Variants in NWD2 observed in about 807,000 individuals in gnomAD.
NWD2 encodes the protein NACHT and WD repeat domain containing 2, also known as NACHT and WD repeat domain-containing protein 2.
Under a neutral mutation model 132.7 loss-of-function variants are expected in NWD2, and 37 were observed. The observed-to-expected ratio is 0.28, with a 90% CI of 0.21 to 0.37. The LOEUF (loss-of-function observed/expected upper bound fraction) is 0.37. Among genes scored for constraint, NWD2 ranks in the 10% least tolerant of loss-of-function variants. The pLI, the probability that NWD2 is intolerant of heterozygous loss-of-function variation, is 1.00. For missense variants in NWD2, 1,592 were observed against 2,122.4 expected (o/e 0.75, Z 4.91); for synonymous variants, 705 against 803.0 (o/e 0.88, Z 2.06).
chr4:37,255,086 C>T (rs1052438851), intron 1 of NWD2, among the ~76,000 whole-genome samples: 2 of 152,170 alleles, frequency 1.3e-5, no homozygotes, highest in Non-Finnish European at 2.9e-5. Flanking sequence ...TAGCAAACAC[C>T]TAATTGGTTG....
rs934881675 is a variant in NWD2, at chr4:37,436,357, C to G, written c.706+2337C>G. ...CATAAAATCATAAGCATGCACTTCG[C>G]CTCTAAAAATAACTCTGTAGAGTTG... On this transcript the variant is annotated intron_variant, in intron 5 of 6. Transcript: ENST00000309447. Among the ~76,000 whole-genome samples, 5 of 152,188 alleles carry G rather than the reference C, an allele frequency of 3.3e-5. No individual in the cohort carries two copies. In the South Asian group the frequency reaches 8.3e-4, roughly 25 times the overall value.
Position 37,276,851 on chromosome 4 carries a change from G to A in NWD2, c.151+31633G>A, listed in dbSNP as rs567920557. The stretch of plus-strand genomic sequence containing the variant: ...CCTTTGTAGGGATATGGATGAAGCT[G>A]GAAACCATCATTCTCAGCAAACTAT... On this transcript the variant is annotated intron_variant, in intron 1 of 6. Coordinates refer to ENST00000309447, the MANE Select transcript of NWD2 (RefSeq NM_001144990.2). Among the ~76,000 whole-genome samples, 15 of 152,112 alleles carry A rather than the reference G, an allele frequency of 9.9e-5. No homozygotes were observed. In the South Asian group the frequency reaches 2.9e-3, roughly 30 times the overall value.
At chr4:37,249,811 G>GT (rs1717316063) in intron 1 of NWD2, among the ~76,000 whole-genome samples, 1 of 151,986 alleles carries the variant, frequency 6.6e-6, no homozygotes, top group African/African-American at 2.4e-5. Flanking sequence ...TTACTACTTG[G>GT]TTTTCTTTTG....
At chr4:37,329,204 A>G (rs865777330) in intron 2 of NWD2, among the ~76,000 whole-genome samples, 73 of 152,282 alleles carry the variant, frequency 4.8e-4, no homozygotes, top group African/African-American at 1.6e-3. Context: ...TTCAAGAAGT[A>G]TTTGTTGAGT....
Position 37,288,102 on chromosome 4 carries a change from T to G in NWD2, c.152-37834T>G, listed in dbSNP as rs57698051. Among the ~76,000 whole-genome samples the G allele has an allele frequency of 4.6e-3, 703 of 151,564 alleles. 7 individuals are homozygous for G. Among genetic ancestry groups the G allele is most frequent in the African/African-American group, 0.016 (675 of 41,276 alleles). The stretch of plus-strand genomic sequence containing the variant: ...ACATGTTCTCACTCGTAAGTGAGAG[T>G]TGAACATTGAGAACACATGGACACA... On this transcript the variant is annotated intron_variant, in intron 1 of 6. Transcript: ENST00000309447.
intron 2 of NWD2, among the ~76,000 whole-genome samples, chr4:37,352,662 T>C (rs1409430029): frequency 6.6e-6 from 1 of 152,216 alleles, no homozygotes; most frequent in African/African-American, 2.4e-5. Flanking sequence ...GTCTGTTTTA[T>C]CAGAGACTAG....
At chr4:37,431,770 T>C (rs542390595) in intron 4 of NWD2, among the ~76,000 whole-genome samples, 1 of 152,160 alleles carries the variant, frequency 6.6e-6, no homozygotes, top group South Asian at 2.1e-4. Context: ...AATCCAAAGC[T>C]AAGAAACTAT....
Position 37,244,938 on chromosome 4 carries a change from C to A in NWD2, c.-130C>A. ...CGGAGCTCGCCAAAGGCGCTTCGGG[C>A]TCGGAGCGGCTCTGAGCCGCGCCGC... On this transcript the variant is annotated 5_prime_UTR_variant, in exon 1 of 7. Transcript: ENST00000309447. The surrounding 1 kb of genome is among the most constrained non-coding windows in gnomAD (Gnocchi z 5.5). 8.0e-7 allele frequency: 1 copy of A among 1,253,136 alleles called. No homozygotes were observed. Among genetic ancestry groups the A allele is most frequent in the Non-Finnish European group, 1.1e-6 (1 of 933,928 alleles). 77.6% of individuals were successfully genotyped at this position (1,253,136 alleles called of 1,614,324 possible). A position where few individuals can be genotyped will look rare whatever the true frequency, so the allele number is the denominator to read the frequency against.
chr4:37,284,694 A>C (rs1718191944), intron 1 of NWD2, among the ~76,000 whole-genome samples: 1 of 152,208 alleles, frequency 6.6e-6, no homozygotes, highest in Non-Finnish European at 1.5e-5. Context: ...AGTGGAACAG[A>C]TGAGGTGCAT....
intron 3 of NWD2, among the ~76,000 whole-genome samples, chr4:37,402,449 G>A (rs945391429): frequency 1.3e-5 from 2 of 152,162 alleles, no homozygotes; most frequent in Non-Finnish European, 2.9e-5. Context: ...AGATGTTGAA[G>A]CACTGAATTA....
chr4:37,285,722 A>G (rs1234395310), intron 1 of NWD2, among the ~76,000 whole-genome samples: 1 of 152,278 alleles, frequency 6.6e-6, no homozygotes, highest in East Asian at 1.9e-4. Flanking sequence ...GTTCTAATAC[A>G]TGTCTATATA....
At chr4:37,332,003 A>AG (rs907602314) in intron 2 of NWD2, among the ~76,000 whole-genome samples, 15 of 152,318 alleles carry the variant, frequency 9.8e-5, no homozygotes, top group Middle Eastern at 3.4e-3. Flanking sequence ...CCTAGTCAGA[A>AG]GGGAATCGCC....
chr4:37,386,198 T>C (rs1307857062), intron 3 of NWD2, among the ~76,000 whole-genome samples: 1 of 152,116 alleles, frequency 6.6e-6, no homozygotes, highest in Non-Finnish European at 1.5e-5. Context: ...TTTCTACAGC[T>C]AAACTCTGCT....
intron 2 of NWD2, among the ~76,000 whole-genome samples, chr4:37,328,487 A>G (rs569770730): frequency 3.9e-5 from 6 of 151,948 alleles, no homozygotes; most frequent in Non-Finnish European, 7.4e-5. Context: ...GAGTGAGAAC[A>G]TACGGTGTTT....
At chr4:37,352,420 T>C (rs2109299274) in intron 2 of NWD2, among the ~76,000 whole-genome samples, 1 of 152,220 alleles carries the variant, frequency 6.6e-6, no homozygotes, top group East Asian at 1.9e-4. Context: ...ATATTCTTGC[T>C]AATTTTCTGT....
At chr4:37,322,695 A>T (rs1402443787) in intron 1 of NWD2, among the ~76,000 whole-genome samples, 1 of 152,204 alleles carries the variant, frequency 6.6e-6, no homozygotes, top group Non-Finnish European at 1.5e-5. Flanking sequence ...AGGGGCAAGT[A>T]TGAAAACAGG....
At chr4:37,350,324 T>C (rs1719734916) in intron 2 of NWD2, among the ~76,000 whole-genome samples, 1 of 152,190 alleles carries the variant, frequency 6.6e-6, no homozygotes, top group Admixed American at 6.5e-5. Context: ...GAGCATGGGA[T>C]GTTTTCCATT....
chr4:37,368,355 C>T (rs1720141704), intron 3 of NWD2, among the ~76,000 whole-genome samples: 1 of 152,132 alleles, frequency 6.6e-6, no homozygotes. Flanking sequence ...CCTAAAGTCT[C>T]AAAATGCTTC....
chr4:37,345,955 C>T (rs995495012), intron 2 of NWD2, among the ~76,000 whole-genome samples: 1 of 151,936 alleles, frequency 6.6e-6, no homozygotes, highest in Non-Finnish European at 1.5e-5. Flanking sequence ...GTGGCGGGCA[C>T]CTGTAATCCT....
Sources: allele counts gnomAD v4.1 joint callset (sites outside exome capture counted in the v4.1 genomes callset), GRCh38; gene constraint gnomAD v4.1.1; non-coding constraint Gnocchi (gnomAD v3.1); transcripts MANE v1.5; gene names NCBI Gene and HGNC (gene_info 2026-07-23, HGNC 2026-07-21).